The following ADGRL3 variants were observed in gnomAD, a reference collection of about 807,000 sequenced individuals.
The protein encoded by ADGRL3 is adhesion G protein-coupled receptor L3.
ADGRL3 carries 62 observed loss-of-function variants against 153.5 expected under a neutral mutation model. The ratio of observed to expected loss-of-function variants is 0.40; its 90% CI spans 0.33 to 0.50. ADGRL3 has a LOEUF of 0.50. ADGRL3 is among the 20% of genes least tolerant of loss of function. ADGRL3 has a pLI of 0.47. For missense variants in ADGRL3, 1,641 were observed against 1,859.4 expected (o/e 0.88, Z 2.16); for synonymous variants, 710 against 672.5 (o/e 1.06, Z -0.86).
intron 13 of ADGRL3, among the ~76,000 whole-genome samples, chr4:61,929,406 C>T (rs1052428442): frequency 6.6e-6 from 1 of 152,090 alleles, no homozygotes; most frequent in African/African-American, 2.4e-5. Context: ...GACTAAGAGC[C>T]CACTGGGGTA....
At chr4:61,686,275 G>A (rs2095441181) in intron 6 of ADGRL3, among the ~76,000 whole-genome samples, 4 of 152,028 alleles carry the variant, frequency 2.6e-5, no homozygotes, top group Admixed American at 2.6e-4. Flanking sequence ...CAAAGGTAGG[G>A]TTTTCATCCC....
At chr4:61,833,556 G>A (rs1268648051) in intron 9 of ADGRL3, among the ~76,000 whole-genome samples, 1 of 152,076 alleles carries the variant, frequency 6.6e-6, no homozygotes, top group Non-Finnish European at 1.5e-5. Flanking sequence ...ATTCCTGGGT[G>A]GGGGCCACAA....
intron 1 of ADGRL3, among the ~76,000 whole-genome samples, chr4:61,348,369 G>T: frequency 6.6e-6 from 1 of 151,934 alleles, no homozygotes; most frequent in East Asian, 1.9e-4. Flanking sequence ...AAAAATCACA[G>T]TGTGCTTTTT....
chr4:61,632,116 G>A (rs1409743185), intron 5 of ADGRL3, among the ~76,000 whole-genome samples: 4 of 151,964 alleles, frequency 2.6e-5, no homozygotes, highest in African/African-American at 9.7e-5. Flanking sequence ...TATTAATTTT[G>A]ATCATTGCTT....
chr4:61,929,018 A>G (rs1160103997), intron 13 of ADGRL3, among the ~76,000 whole-genome samples: 2 of 152,126 alleles, frequency 1.3e-5, no homozygotes, highest in African/African-American at 2.4e-5. Context: ...CAGAACAAAT[A>G]TAGATAATTC....
chr4:61,815,985 T>C (rs567147198), intron 9 of ADGRL3, among the ~76,000 whole-genome samples: 24 of 152,226 alleles, frequency 1.6e-4, no homozygotes, highest in Non-Finnish European at 3.1e-4. Flanking sequence ...ACAAACGGAC[T>C]GAGATGGATG....
chr4:61,844,032 A>C (rs2098075515), intron 9 of ADGRL3, among the ~76,000 whole-genome samples: 1 of 151,666 alleles, frequency 6.6e-6, no homozygotes, highest in Admixed American at 6.6e-5. Flanking sequence ...AAAAAAAAAA[A>C]AAAATCAACA....
At chr4:61,326,949 A>T (rs2150886949) in intron 1 of ADGRL3, among the ~76,000 whole-genome samples, 1 of 152,064 alleles carries the variant, frequency 6.6e-6, no homozygotes, top group East Asian at 1.9e-4. Flanking sequence ...CAGTTTAAAA[A>T]ATATTTATTT....
intron 3 of ADGRL3, among the ~76,000 whole-genome samples, chr4:61,511,561 T>C (rs1365874514): frequency 1.3e-5 from 2 of 152,230 alleles, no homozygotes; most frequent in Non-Finnish European, 2.9e-5. Context: ...AAAGTTTATC[T>C]TACTATTTAT....
At chr4:61,465,762 T>A (rs966072280) in intron 2 of ADGRL3, among the ~76,000 whole-genome samples, 24 of 143,558 alleles carry the variant, frequency 1.7e-4, no homozygotes, top group African/African-American at 5.9e-4. Flanking sequence ...TATATAAATA[T>A]ATATATATAT....
intron 1 of ADGRL3, among the ~76,000 whole-genome samples, chr4:61,333,005 C>G (rs187033857): frequency 6.6e-6 from 1 of 152,154 alleles, no homozygotes. Flanking sequence ...TTTATTTCCT[C>G]TGTTTCAGGG....
chr4:62,046,628 T>G (rs1731264538), intron 25 of ADGRL3, among the ~76,000 whole-genome samples: 1 of 151,980 alleles, frequency 6.6e-6, no homozygotes. Flanking sequence ...TTGAATAAAT[T>G]AATTTAATGA....
chr4:61,915,692 C>A (rs964210481), intron 13 of ADGRL3, among the ~76,000 whole-genome samples: 4 of 152,136 alleles, frequency 2.6e-5, no homozygotes, highest in Non-Finnish European at 4.4e-5. Flanking sequence ...ATACATTGCA[C>A]TACCTCTCTT....
intron 2 of ADGRL3, among the ~76,000 whole-genome samples, chr4:61,452,903 A>G (rs987525770): frequency 1.6e-4 from 25 of 152,310 alleles, no homozygotes; most frequent in Non-Finnish European, 2.8e-4. Context: ...TTTTAAAAAA[A>G]ATATTGTATA....
At chr4:61,990,397 T>C (rs914035939) in intron 19 of ADGRL3, among the ~76,000 whole-genome samples, 7 of 151,952 alleles carry the variant, frequency 4.6e-5, no homozygotes, top group Admixed American at 3.9e-4. Flanking sequence ...TGGATCATTG[T>C]AGAGCAGTGG....
At chr4:61,811,283 A>T (rs2097614712) in intron 8 of ADGRL3, among the ~76,000 whole-genome samples, 1 of 152,154 alleles carries the variant, frequency 6.6e-6, no homozygotes, top group Admixed American at 6.5e-5. Flanking sequence ...TATGCAATAG[A>T]CTATTATTTA....
rs150668349 is a variant in ADGRL3 at position 61,823,632 on chromosome 4, T to C, written c.1480+9743T>C. On this transcript the variant is annotated intron_variant, in intron 9 of 26. Coordinates refer to ENST00000683033, the MANE Select transcript of ADGRL3 (RefSeq NM_001387552.1). The stretch of plus-strand genomic sequence containing the variant: ...CTGAGACATAGAGAAGTTGTTTAAC[T>C]TTATAAAGGTAAGACAGATAATACT... Among the ~76,000 whole-genome samples the C allele has an allele frequency of 2.6e-5, 4 of 152,294 alleles. No individual in the cohort carries two copies. The East Asian group carries it at 5.8e-4, about 22-fold the overall frequency.
Position 61,983,526 on chromosome 4 carries a change from G to T in ADGRL3, c.3159G>T (p.Leu1053=), listed in dbSNP as rs1377450002. Residue 1053 remains leucine, a synonymous_variant, in exon 19 of 27, where the codon CTG becomes CTT. Transcript: ENST00000683033. ...SEHSRRKYFY[L]VGYGMPALIV... is the part of the protein sequence containing the mutation. Reference sequence around the variant, plus strand: ...ATTCACGTAGGAAATACTTTTATCTGGTCGGCTATGGGATGCCTGCACTCA... The same window carrying T: ...ATTCACGTAGGAAATACTTTTATCTTGTCGGCTATGGGATGCCTGCACTCA... The T allele has an allele frequency of 1.9e-6, 3 of 1,613,796 alleles. No homozygotes were observed. Among genetic ancestry groups the T allele is most frequent in the African/African-American group, 2.7e-5 (2 of 74,898 alleles).
At position 61,218,836 on chromosome 4, in the gene ADGRL3, C is replaced by G. The variant is rs137965637; in HGVS notation, c.-240+17071C>G. ...TTGAGAGAAATGGTATGAGATCTGG[C>G]TAGTAAGTAGTAGTCCAGAATTTGT... is the stretch of plus-strand genomic sequence containing the variant. On this transcript the variant is annotated intron_variant, in intron 1 of 26. Transcript: ENST00000683033. Among the ~76,000 whole-genome samples the G allele has an allele frequency of 4.3e-3, 661 of 152,218 alleles. 6 individuals carry two copies. Among genetic ancestry groups the G allele is most frequent in the African/African-American group, 0.015 (618 of 41,536 alleles).
Sources: allele counts gnomAD v4.1 joint callset (sites outside exome capture counted in the v4.1 genomes callset), GRCh38; gene constraint gnomAD v4.1.1; transcripts MANE v1.5; gene names NCBI Gene and HGNC (gene_info 2026-07-23, HGNC 2026-07-21).